CENPP: variants seen among roughly 807,000 people sequenced by gnomAD.
CENPP encodes centromere protein P.
In CENPP, 24 loss-of-function variants were observed where a neutral mutation model predicts 35.6. That is an observed-to-expected ratio of 0.67 (90% CI 0.49 to 0.95). The LOEUF is 0.95. CENPP is among the 40% of genes least tolerant of loss of function. The probability of loss-of-function intolerance (pLI) is 0.00; values close to 1 mark genes in which losing one functional copy is unlikely to be tolerated. For synonymous variants in CENPP, 120 were observed against 125.5 expected (o/e 0.96, Z 0.29); for missense variants, 332 against 345.3 (o/e 0.96, Z 0.31).
In CENPP at chr9:92,342,584, T is replaced by A. The variant is rs1464116325; in HGVS notation, c.379-3115T>A. Reference sequence around the variant, plus strand: ...TTCTCTCTGAGCCTTTTAGATTTTATGATTCTTCTTGAAGACCAGGACTGG... The same window carrying A: ...TTCTCTCTGAGCCTTTTAGATTTTAAGATTCTTCTTGAAGACCAGGACTGG... On this transcript the variant is annotated intron_variant, in intron 3 of 7. Transcript: ENST00000375587. Among the ~76,000 whole-genome samples, 6 of 152,244 alleles carry A rather than the reference T, an allele frequency of 3.9e-5. 1 individual carries two copies.
At chr9:92,394,902 C>T (rs537720721) in intron 5 of CENPP, among the ~76,000 whole-genome samples, 106 of 152,166 alleles carry the variant, frequency 7.0e-4, no homozygotes, top group South Asian at 3.1e-3. Context: ...CCACCACGCC[C>T]GGCCTATTTT....
intron 5 of CENPP, among the ~76,000 whole-genome samples, chr9:92,541,434 C>T (rs1465469525): frequency 7.1e-6 from 1 of 141,054 alleles, no homozygotes; most frequent in Non-Finnish European, 1.5e-5. Context: ...CCCGCCCACA[C>T]CCCCACACCC....
At chr9:92,480,165 A>G (rs1229819806) in intron 5 of CENPP, among the ~76,000 whole-genome samples, 2 of 152,164 alleles carry the variant, frequency 1.3e-5, no homozygotes, top group Admixed American at 1.3e-4. Flanking sequence ...GATTTAGACC[A>G]GTTTTGCCAG....
intron 5 of CENPP, among the ~76,000 whole-genome samples, chr9:92,544,168 G>T (rs1849376983): frequency 6.6e-6 from 1 of 152,192 alleles, no homozygotes; most frequent in Non-Finnish European, 1.5e-5. Context: ...TATTAACTGT[G>T]CACTTGTCAT....
intron 5 of CENPP, chr9:92,496,332 G>A (rs1846341450): frequency 6.3e-7 from 1 of 1,590,122 alleles, no homozygotes; most frequent in Non-Finnish European, 8.5e-7. Context: ...ATGTTTTGTG[G>A]TTTAAGAACG....
At chr9:92,524,908 T>C (rs1848300189) in intron 5 of CENPP, among the ~76,000 whole-genome samples, 1 of 152,146 alleles carries the variant, frequency 6.6e-6, no homozygotes, top group African/African-American at 2.4e-5. Context: ...ACATTCAAGG[T>C]GATGTTACAT....
At chr9:92,415,038 TATACTA>T (rs1306061673) in intron 5 of CENPP, 13 of 770,450 alleles carry the variant, frequency 1.7e-5, no homozygotes, top group South Asian at 1.0e-4. Context: ...ATTCTGATCT[TATACTA>T]ATACATAATT....
rs377245938 is a variant in CENPP at position 92,400,499 on chromosome 9, C to T, written c.564+20640C>T. ...TCTATTTTTACTATCATACTTCTCG[C>T]TTTTTAAGCTTTATTTTCTGTTATG... On this transcript the variant is annotated intron_variant, in intron 5 of 7. Transcript: ENST00000375587. 9.9e-5 allele frequency among the ~76,000 whole-genome samples: 15 copies of T among 152,140 alleles called. No homozygotes were observed. The East Asian group carries it at 1.7e-3, about 18-fold the overall frequency.
intron 5 of CENPP, among the ~76,000 whole-genome samples, chr9:92,521,241 T>A (rs1056923264): frequency 6.6e-6 from 1 of 152,252 alleles, no homozygotes; most frequent in South Asian, 2.1e-4. Flanking sequence ...AACTTTTTTT[T>A]AAACAAGTTT....
intron 5 of CENPP, chr9:92,512,086 T>C: frequency 6.2e-7 from 1 of 1,613,930 alleles, no homozygotes; most frequent in South Asian, 1.1e-5. Context: ...AATTTGGTAA[T>C]CCATTAAATG....
chr9:92,393,059 C>A, intron 5 of CENPP: 1 of 1,591,412 alleles, frequency 6.3e-7, no homozygotes. Context: ...CGAGTTAATA[C>A]TAATATCATA....
At chr9:92,357,644 G>A (rs1221816792) in intron 4 of CENPP, among the ~76,000 whole-genome samples, 5 of 151,944 alleles carry the variant, frequency 3.3e-5, no homozygotes, top group South Asian at 2.1e-4. Flanking sequence ...ACAGGCATGC[G>A]CCACCACTCC....
chr9:92,511,204 C>A (rs1847316199), intron 5 of CENPP, among the ~76,000 whole-genome samples: 1 of 152,124 alleles, frequency 6.6e-6, no homozygotes, highest in African/African-American at 2.4e-5. Context: ...CGGCTCACTG[C>A]AACCTCCGCC....
At chr9:92,567,373 G>GAGATATATATATATATATATATATAT (rs1554688241) in intron 5 of CENPP, among the ~76,000 whole-genome samples, 1 of 129,088 alleles carries the variant, frequency 7.7e-6, no homozygotes, top group Non-Finnish European at 1.6e-5. Context: ...ACATAAGATA[G>GAGATATATATATATATATATATATAT]ATATATATAT....
At chr9:92,493,991 G>A (rs1400738613) in intron 5 of CENPP, 2 of 1,324,896 alleles carry the variant, frequency 1.5e-6, no homozygotes, top group Admixed American at 1.8e-5. Context: ...GCGGCCCTCA[G>A]GCCCCAGTGT....
At chr9:92,495,079 T>C (rs1846285959) in intron 5 of CENPP, among the ~76,000 whole-genome samples, 2 of 152,192 alleles carry the variant, frequency 1.3e-5, no homozygotes, top group African/African-American at 4.8e-5. Context: ...CTTTACATTC[T>C]TTTCTAGTTC....
At chr9:92,366,376 CCTT>C (rs1564280722) in intron 4 of CENPP, among the ~76,000 whole-genome samples, 2 of 152,154 alleles carry the variant, frequency 1.3e-5, no homozygotes, top group African/African-American at 4.8e-5. Context: ...CTTGGGGAAT[CCTT>C]CTCAGTGAAA....
At chr9:92,423,245 T>A (rs897472258) in intron 5 of CENPP, among the ~76,000 whole-genome samples, 1 of 152,164 alleles carries the variant, frequency 6.6e-6, no homozygotes, top group East Asian at 1.9e-4. Flanking sequence ...TGAAAAAGAA[T>A]GTTTGGAGCA....
intron 4 of CENPP, among the ~76,000 whole-genome samples, chr9:92,351,790 A>G (rs1435074771): frequency 6.6e-6 from 1 of 151,740 alleles, no homozygotes; most frequent in African/African-American, 2.4e-5. Flanking sequence ...ATGCCCAGCT[A>G]ATTTTTATAT....
Sources: allele counts gnomAD v4.1 joint callset (sites outside exome capture counted in the v4.1 genomes callset), GRCh38; gene constraint gnomAD v4.1.1; transcripts MANE v1.5; gene names NCBI Gene and HGNC (gene_info 2026-07-23, HGNC 2026-07-21).